The following TECTB variants were observed in gnomAD, a reference collection of about 807,000 sequenced individuals.
The protein encoded by TECTB is beta-tectorin.
A neutral mutation model predicts 43.3 loss-of-function variants in TECTB; 45 were observed. That is an observed-to-expected ratio of 1.04 (90% CI 0.82 to 1.33). The LOEUF is 1.33. TECTB is among the 40% of genes most tolerant of loss of function. The probability of loss-of-function intolerance (pLI) is 0.00; values close to 1 mark genes in which losing one functional copy is unlikely to be tolerated. For missense variants in TECTB, 399 were observed against 404.7 expected (o/e 0.99, Z 0.12); for synonymous variants, 169 against 156.7 (o/e 1.08, Z -0.59).
Position 112,303,441 on chromosome 10 carries a change from C to A in TECTB, c.*129C>A. On this transcript the variant is annotated 3_prime_UTR_variant, in exon 11 of 11. Coordinates refer to ENST00000646139, the MANE Select transcript of TECTB (RefSeq NM_058222.3). ...TGGGGGGCAGAGAATAGCACTTTGC[C>A]AAATATGCACTCCAATAATTTCTGT... The A allele has an allele frequency of 9.2e-7, 1 of 1,089,072 alleles. No individual in the cohort carries two copies. The highest frequency in any genetic ancestry group is 1.4e-6 in the Non-Finnish European group (1 of 725,238). 67.5% of individuals were successfully genotyped at this position (1,089,072 alleles called of 1,614,324 possible).
At chr10:112,286,050 C>T (rs746505949) in intron 3 of TECTB, 21 bp from the exon 4 acceptor site, 2 of 1,613,808 alleles carry the variant, frequency 1.2e-6, no homozygotes, top group Non-Finnish European at 1.7e-6. Context: ...TTCATCCTGA[C>T]TGTCTCCTTT....
In TECTB at chr10:112,286,404, C is replaced by A. The variant is rs2133347686; in HGVS notation, c.483+13C>A. 2 of 1,599,748 alleles carry A rather than the reference C, an allele frequency of 1.3e-6. No homozygotes were observed. Among genetic ancestry groups the A allele is most frequent in the East Asian group, 4.5e-5 (2 of 44,450 alleles). ...CAACTTCTACACTGTAAGTGGTCTC[C>A]AGGTTCCCATTACTTCCCTGTGGCC... On this transcript the variant is annotated intron_variant, in intron 5 of 10. Coordinates refer to ENST00000646139, the MANE Select transcript of TECTB (RefSeq NM_058222.3).
chr10:112,290,506 GT>G (rs1195556219), intron 5 of TECTB, among the ~76,000 whole-genome samples: 3 of 152,166 alleles, frequency 2.0e-5, no homozygotes, highest in Non-Finnish European at 4.4e-5. Flanking sequence ...TCTTCACTTT[GT>G]AACAGAATCA....
At chr10:112,290,637 C>T (rs554052812) in intron 5 of TECTB, among the ~76,000 whole-genome samples, 2 of 152,176 alleles carry the variant, frequency 1.3e-5, no homozygotes, top group South Asian at 4.2e-4. Context: ...ATCGGGGTCC[C>T]CAGGTAAGTT....
intron 9 of TECTB, among the ~76,000 whole-genome samples, chr10:112,301,174 G>A (rs1848608447): frequency 6.6e-6 from 1 of 152,262 alleles, no homozygotes; most frequent in Non-Finnish European, 1.5e-5. Context: ...TCTAATTCCA[G>A]CACTTTGGGA....
In TECTB at chr10:112,284,542, T is replaced by A. The variant is rs150563756; in HGVS notation, c.84T>A (p.Ile28=). ...TATGTGTGCTCTTTCCAGATGTCAT[T>A]CTTGTGTTTTGCTATCCCAAAACCA... is the stretch of plus-strand genomic sequence containing the variant. ...KSCAPNKADV[I]LVFCYPKTII... Residue 28 remains isoleucine (I), a synonymous_variant, in exon 3 of 11, where the codon ATT becomes ATA. Transcript: ENST00000646139. 8 of 1,607,142 alleles carry A rather than the reference T, an allele frequency of 5.0e-6. No individual in the cohort carries two copies. Among genetic ancestry groups the A allele is most frequent in the Non-Finnish European group, 6.8e-6 (8 of 1,176,080 alleles).
chr10:112,290,459 T>A, intron 5 of TECTB, among the ~76,000 whole-genome samples: 1 of 152,226 alleles, frequency 6.6e-6, no homozygotes, highest in Admixed American at 6.5e-5. Context: ...TCATTAGTGT[T>A]CTATTTCAGA....
chr10:112,303,127 A>G (rs1426627173), intron 10 of TECTB, 136 bp from the exon 11 acceptor site: 4 of 1,017,262 alleles, frequency 3.9e-6, no homozygotes, highest in Non-Finnish European at 6.1e-6. Flanking sequence ...CAGAATCCCC[A>G]AGGGATGAAC....
intron 3 of TECTB, among the ~76,000 whole-genome samples, chr10:112,285,184 CATAAG>C (rs900984558): frequency 2.6e-5 from 4 of 152,158 alleles, no homozygotes; most frequent in African/African-American, 9.7e-5. Context: ...GATGGGATAT[CATAAG>C]ATAATTATTA....
At chr10:112,287,257 G>T (rs1848462571) in intron 5 of TECTB, among the ~76,000 whole-genome samples, 1 of 152,198 alleles carries the variant, frequency 6.6e-6, no homozygotes, top group African/African-American at 2.4e-5. Flanking sequence ...TGCCCATGTT[G>T]ACATAGAAGT....
chr10:112,297,468 T>G (rs867540172), intron 7 of TECTB, among the ~76,000 whole-genome samples: 5 of 152,190 alleles, frequency 3.3e-5, no homozygotes, highest in African/African-American at 1.2e-4. Flanking sequence ...GCCCATAATT[T>G]TATCCCTTTG....
chr10:112,286,604 AGGT>A (rs568596256), intron 5 of TECTB, among the ~76,000 whole-genome samples: 209 of 152,302 alleles, frequency 1.4e-3, no homozygotes, highest in Non-Finnish European at 2.5e-3. Context: ...AAGAGCTGAA[AGGT>A]ATAAGATATA....
rs753242430 is a variant in TECTB at position 112,284,655 on chromosome 10, G to A, written c.197G>A (p.Gly66Glu). Residue 66 changes from glycine to glutamate, a missense_variant, in exon 3 of 11, where the codon GGA (glycine) becomes GAA (glutamate). Coordinates refer to ENST00000646139, the MANE Select transcript of TECTB (RefSeq NM_058222.3). ...GGLCYNGVHE[G>E]GYYQFVIPDL... ...CTGTGTTACAATGGGGTCCACGAAG[G>A]AGGTTACTACCAATTTGTGATCCCA... The A allele has an allele frequency of 4.3e-6, 7 of 1,613,522 alleles. 1 individual carries two copies. In the South Asian group the frequency reaches 7.7e-5, roughly 18 times the overall value.
intron 3 of TECTB, among the ~76,000 whole-genome samples, chr10:112,285,013 C>T (rs1848442499): frequency 1.3e-5 from 2 of 152,216 alleles, no homozygotes; most frequent in South Asian, 4.1e-4. Flanking sequence ...AGTTCTGAGC[C>T]TGTGCTCACA....
intron 9 of TECTB, among the ~76,000 whole-genome samples, chr10:112,301,375 C>G (rs1427692284): frequency 6.7e-6 from 1 of 148,324 alleles, no homozygotes; most frequent in Non-Finnish European, 1.5e-5. Context: ...CTACTACACT[C>G]TAGCCTGGGC....
intron 5 of TECTB, among the ~76,000 whole-genome samples, chr10:112,288,866 T>C (rs964940699): frequency 5.9e-5 from 9 of 152,184 alleles, no homozygotes; most frequent in Non-Finnish European, 1.3e-4. Context: ...GTATTCCTAG[T>C]GAAAAGTTAT....
At chr10:112,297,960 G>A (rs1037307115) in intron 7 of TECTB, 109 bp from the exon 8 acceptor site, 3 of 1,453,776 alleles carry the variant, frequency 2.1e-6, no homozygotes, top group Admixed American at 3.5e-5. Context: ...TGCCTGGGAA[G>A]GTTAGAGGTC....
chr10:112,299,365 TG>T, intron 8 of TECTB, 126 bp from the exon 9 acceptor site: 1 of 803,412 alleles, frequency 1.2e-6, no homozygotes, highest in Non-Finnish European at 2.0e-6. Flanking sequence ...CTCTGTTGAC[TG>T]GGGAATTGTG....
intron 5 of TECTB, among the ~76,000 whole-genome samples, chr10:112,289,259 C>T (rs1018895052): frequency 6.6e-6 from 1 of 152,104 alleles, no homozygotes; most frequent in African/African-American, 2.4e-5. Flanking sequence ...GGCTGAACAT[C>T]GATGTCAGTG....
Sources: gnomAD v4.1 joint callset for allele counts (sites outside exome capture counted in the v4.1 genomes callset) on GRCh38, gnomAD v4.1.1 for gene constraint, MANE v1.5 for transcripts, NCBI Gene and HGNC (gene_info 2026-07-23, HGNC 2026-07-21) for gene names.